NCKAP5L: variants seen among roughly 807,000 people sequenced by gnomAD.
NCKAP5L encodes NCK associated protein 5 like.
A neutral mutation model predicts 103.2 loss-of-function variants in NCKAP5L; 54 were observed. The ratio of observed to expected loss-of-function variants is 0.52; its 90% confidence interval spans 0.42 to 0.66. The LOEUF is 0.66. NCKAP5L is among the 30% of genes least tolerant of loss of function. The probability of loss-of-function intolerance (pLI) is 0.00; values close to 1 mark genes in which losing one functional copy is unlikely to be tolerated. For synonymous variants in NCKAP5L, 762 were observed against 748.6 expected, an observed-to-expected ratio of 1.02 and a Z score of -0.29; for missense variants, 1,733 against 1,750.6, an observed-to-expected ratio of 0.99 and a Z score of 0.18.
chr12:49,824,546 C>G (rs1001907215), intron 1 of NCKAP5L, among the ~76,000 whole-genome samples: 2 of 152,232 alleles, frequency 1.3e-5, no homozygotes, highest in Non-Finnish European at 2.9e-5. Flanking sequence ...CGTCTGCCCT[C>G]CAAGAGGGCA....
chr12:49,821,583 G>C (rs1343427401), intron 1 of NCKAP5L, among the ~76,000 whole-genome samples: 1 of 152,228 alleles, frequency 6.6e-6, no homozygotes. Context: ...CATGTGCCTC[G>C]GCACGGGCCA....
chr12:49,793,879 A>C lies in NCKAP5L; in HGVS notation c.3113T>G (p.Leu1038Arg), dbSNP rs1439247229. The C allele has an allele frequency of 1.9e-6, 3 of 1,557,146 alleles. No individual in the cohort carries two copies. The highest frequency in any genetic ancestry group is 2.6e-6 in the Non-Finnish European group (3 of 1,152,314). Residue 1038 changes from leucine to arginine, a missense_variant, in exon 9 of 13, where the codon CTG (leucine) becomes CGG (arginine). By Grantham distance (102) the Leu-to-Arg change is moderately radical (BLOSUM62 -2). Transcript: ENST00000335999. ...QLLNRVDGKE[L>R]PSKSWREPKP... Reference sequence around the variant, plus strand: ...GGGCTCCCGCCAGCTCTTGGATGGCAGCTCCTTGCCATCCACCCTATGGGC... The same window carrying C: ...GGGCTCCCGCCAGCTCTTGGATGGCCGCTCCTTGCCATCCACCCTATGGGC...
chr12:49,822,030 C>T (rs186718568), intron 1 of NCKAP5L, among the ~76,000 whole-genome samples: 224 of 152,224 alleles, frequency 1.5e-3, no homozygotes, highest in Non-Finnish European at 2.2e-3. Context: ...GGCGGCGGGG[C>T]GGTGGTGCTG....
intron 1 of NCKAP5L, among the ~76,000 whole-genome samples, chr12:49,817,349 A>G (rs1351869724): frequency 6.6e-6 from 1 of 152,224 alleles, no homozygotes; most frequent in Non-Finnish European, 1.5e-5. Flanking sequence ...CCAAAGCAAT[A>G]CATCTCACAA....
At chr12:49,801,617 C>T (rs1946118777) in intron 6 of NCKAP5L, among the ~76,000 whole-genome samples, 1 of 152,162 alleles carries the variant, frequency 6.6e-6, no homozygotes, top group Admixed American at 6.5e-5. Context: ...AAGGCAGGAG[C>T]AAGTGCAAAG....
chr12:49,818,096 C>T (rs896381281), intron 1 of NCKAP5L, among the ~76,000 whole-genome samples: 4 of 151,208 alleles, frequency 2.6e-5, no homozygotes, highest in Non-Finnish European at 5.9e-5. Context: ...CGCGCTGCTG[C>T]ACTCTGGCCT....
At chr12:49,811,022 T>C (rs1354199829) in intron 1 of NCKAP5L, among the ~76,000 whole-genome samples, 1 of 151,660 alleles carries the variant, frequency 6.6e-6, no homozygotes, top group Non-Finnish European at 1.5e-5. Flanking sequence ...TAGCTACACC[T>C]GGCTGCCGAA....
Position 49,801,914 on chromosome 12 carries a change from C to A in NCKAP5L, c.285G>T (p.Arg95=). The A allele has an allele frequency of 6.2e-7, 1 of 1,613,978 alleles. No homozygotes were observed. Among genetic ancestry groups the A allele is most frequent in the Non-Finnish European group, 8.5e-7 (1 of 1,179,890 alleles). The change falls in exon 6 of 13, where the codon CGG becomes CGT. Residue 95 remains arginine (R), a synonymous_variant. Coordinates refer to ENST00000335999, the MANE Select transcript of NCKAP5L (RefSeq NM_001037806.4). Reference sequence around the variant, plus strand: ...ACAGGGCACTCAGCATCTGGTTCTGCCGTTCCAGGTCAAACACTCTCTTCT... The same window carrying A: ...ACAGGGCACTCAGCATCTGGTTCTGACGTTCCAGGTCAAACACTCTCTTCT... ...KLKKRVFDLE[R]QNQMLSALFQ...
chr12:49,793,135 C>G, intron 10 of NCKAP5L, 149 bp from the exon 11 acceptor site: 1 of 798,660 alleles, frequency 1.3e-6, no homozygotes. Flanking sequence ...TCCACCAACC[C>G]CACCTGCCCT....
At chr12:49,812,210 G>A (rs572788283) in intron 1 of NCKAP5L, among the ~76,000 whole-genome samples, 1 of 152,142 alleles carries the variant, frequency 6.6e-6, no homozygotes, top group South Asian at 2.1e-4. Context: ...CCAGTCACAG[G>A]CAACCACTCA....
At chr12:49,816,465 C>CTCT (rs1335534888) in intron 1 of NCKAP5L, among the ~76,000 whole-genome samples, 1 of 139,544 alleles carries the variant, frequency 7.2e-6, no homozygotes, top group East Asian at 2.1e-4. Flanking sequence ...TCAGATTTGT[C>CTCT]TCTGACCCTT....
intron 1 of NCKAP5L, among the ~76,000 whole-genome samples, chr12:49,811,210 C>T (rs753755214): frequency 3.3e-5 from 5 of 152,154 alleles, no homozygotes; most frequent in Middle Eastern, 3.2e-3. Context: ...TGTGCTTACG[C>T]GCTCTCTCAC....
At position 49,795,828 on chromosome 12, in the gene NCKAP5L, C is replaced by G. The variant is rs368875314; in HGVS notation, c.2032G>C (p.Ala678Pro). 2.6e-6 allele frequency: 4 copies of G among 1,567,006 alleles called. No homozygotes were observed. The Admixed American group carries it at 5.7e-5, about 22-fold the overall frequency. ...ACCCCATTCTTCTCTGAGCCCAGGG[C>G]CCCCTCGGGGCCTGTCTTCAGCTTC... ...LGKLKTGPEGALGSEKNGVPA... is the reference protein window; with the variant it reads ...LGKLKTGPEGPLGSEKNGVPA... The change falls in exon 8 of 13, where the codon GCC becomes CCC. Residue 678 changes from alanine to proline, a missense_variant. Transcript: ENST00000335999.
Position 49,792,278 on chromosome 12 carries a change from G to C in NCKAP5L, c.3792+168C>G, listed in dbSNP as rs1402961274. 1.5e-6 allele frequency: 2 copies of C among 1,348,114 alleles called. No individual in the cohort carries two copies. The highest frequency in any genetic ancestry group is 1.4e-5 in the African/African-American group (1 of 69,236). The allele number at this position is 1,348,114 out of a possible 1,614,324, so 83.5% of individuals were successfully genotyped here. On this transcript the variant is annotated intron_variant, in intron 12 of 12. Transcript: ENST00000335999. This position sits in a 1 kb window ranked among gnomAD's most constrained non-coding sequence, Gnocchi z 4.5. ...TTTCCCCACGAGAGAAGTGCAAGGA[G>C]GGCAGTGGGGAGGGCCGCTCACAGG...
intron 5 of NCKAP5L, 53 bp from the exon 6 acceptor site, chr12:49,802,020 T>C (rs1376628341): frequency 5.0e-6 from 8 of 1,602,584 alleles, no homozygotes; most frequent in Non-Finnish European, 6.8e-6. Flanking sequence ...GGTGGGAGAG[T>C]GTCACAGTGC....
At chr12:49,821,264 C>G (rs971494774) in intron 1 of NCKAP5L, among the ~76,000 whole-genome samples, 2 of 152,208 alleles carry the variant, frequency 1.3e-5, no homozygotes, top group Non-Finnish European at 2.9e-5. Flanking sequence ...TCCCCACCCC[C>G]CAACTTCCCC....
intron 1 of NCKAP5L, among the ~76,000 whole-genome samples, chr12:49,826,898 T>A (rs1025168744): frequency 6.6e-6 from 1 of 152,172 alleles, no homozygotes; most frequent in Non-Finnish European, 1.5e-5. Context: ...AGAAAGATGC[T>A]GGAGGGACAA....
At chr12:49,826,934 C>T (rs1946423082) in intron 1 of NCKAP5L, among the ~76,000 whole-genome samples, 1 of 152,160 alleles carries the variant, frequency 6.6e-6, no homozygotes, top group Non-Finnish European at 1.5e-5. Flanking sequence ...AGACCATAGA[C>T]TTTGAAAACA....
intron 1 of NCKAP5L, among the ~76,000 whole-genome samples, chr12:49,813,999 G>C (rs1457859963): frequency 6.6e-6 from 1 of 151,854 alleles, no homozygotes; most frequent in East Asian, 1.9e-4. Flanking sequence ...TTTTTGTAAA[G>C]ACAGGGTCTT....
Sources: allele counts gnomAD v4.1 joint callset (sites outside exome capture counted in the v4.1 genomes callset), GRCh38; gene constraint gnomAD v4.1.1; non-coding constraint Gnocchi (gnomAD v3.1); transcripts MANE v1.5; gene names NCBI Gene and HGNC (gene_info 2026-07-23, HGNC 2026-07-21).